Variants in GYPB observed in about 807,000 individuals in gnomAD.
The protein encoded by GYPB is glycophorin B (MNS blood group).
In GYPB, 13 loss-of-function variants were observed where a neutral mutation model predicts 15.3. The ratio of observed to expected loss-of-function variants is 0.85; its 90% CI spans 0.55 to 1.35. The LOEUF (loss-of-function observed/expected upper bound fraction) is 1.35. Ranked by LOEUF, GYPB falls within the 40% of genes most tolerant of loss-of-function variation. The probability of loss-of-function intolerance (pLI) is 0.00; values close to 1 mark genes in which losing one functional copy is unlikely to be tolerated. For missense variants in GYPB, 131 were observed against 108.3 expected (o/e 1.21, Z -0.93); for synonymous variants, 38 against 36.9 (o/e 1.03, Z -0.11).
rs376094089 is a variant in GYPB, at chr4:144,012,734, A to G, written c.37+6517T>C. ...TCAATGGGCAAAGGATAGTCTCTTC[A>G]ACAAATGGTGCTGGGACAACTGCAA... On this transcript the variant is annotated intron_variant, in intron 1 of 4. Transcript: ENST00000502664. The G allele has an allele frequency of 7.9e-5, 12 of 151,704 alleles. No homozygotes were observed. The East Asian group carries it at 2.1e-3, about 27-fold the overall frequency. The allele number at this position is 151,704 out of a possible 1,614,324, so 9.4% of individuals were successfully genotyped here. A position where few individuals can be genotyped will look rare whatever the true frequency, so the allele number is the denominator to read the frequency against.
intron 2 of GYPB, chr4:144,000,400 G>A: frequency 1.8e-6 from 2 of 1,086,910 alleles, no homozygotes; most frequent in Non-Finnish European, 2.4e-6. Flanking sequence ...CTTTTCTGGA[G>A]GGGAAACAGT....
chr4:144,012,865 A>G (rs1214016473), intron 1 of GYPB: 1 of 151,448 alleles, frequency 6.6e-6, no homozygotes, highest in Non-Finnish European at 1.5e-5. Context: ...AGAAGAAAAC[A>G]TAGGGAGAAA....
intron 1 of GYPB, among the ~76,000 whole-genome samples, chr4:144,004,693 A>G (rs1388504011): frequency 1.3e-5 from 2 of 151,700 alleles, no homozygotes; most frequent in Non-Finnish European, 2.9e-5. Context: ...AAGGAAACCA[A>G]ATTTCCACAA....
intron 1 of GYPB, among the ~76,000 whole-genome samples, chr4:144,004,049 G>A (rs1727755531): frequency 6.6e-6 from 1 of 151,512 alleles, no homozygotes; most frequent in Admixed American, 6.6e-5. Flanking sequence ...GGCATGTTAT[G>A]TCCTATTTGT....
At chr4:144,001,115 C>G (rs567423402) in intron 2 of GYPB, 70 bp downstream of exon 2, 2 of 1,610,938 alleles carry the variant, frequency 1.2e-6, no homozygotes, top group Non-Finnish European at 8.5e-7. Flanking sequence ...AGTGACAGGT[C>G]CCCTAAAATA....
intron 1 of GYPB, among the ~76,000 whole-genome samples, chr4:144,003,496 A>G (rs1226661710): frequency 6.6e-6 from 1 of 151,428 alleles, no homozygotes; most frequent in Non-Finnish European, 1.5e-5. Context: ...TGTCAAAAGA[A>G]TATGGCAAAG....
chr4:144,009,500 A>G (rs998577740), intron 1 of GYPB, among the ~76,000 whole-genome samples: 11 of 150,766 alleles, frequency 7.3e-5, no homozygotes, highest in African/African-American at 2.5e-4. Flanking sequence ...CAAAGCATAA[A>G]TAAATGAGTA....
intron 1 of GYPB, among the ~76,000 whole-genome samples, chr4:144,004,001 A>C (rs376900231): frequency 2.0e-5 from 3 of 150,078 alleles, no homozygotes; most frequent in Non-Finnish European, 1.5e-5. Context: ...CAATTTCCTC[A>C]ATGTAAAATT....
intron 1 of GYPB, among the ~76,000 whole-genome samples, chr4:144,013,084 C>G (rs1205435652): frequency 6.6e-6 from 1 of 151,534 alleles, no homozygotes; most frequent in Non-Finnish European, 1.5e-5. Context: ...ATAGAAAGAA[C>G]TCTTACAACT....
chr4:143,999,579 C>A, intron 2 of GYPB, 130 bp from the exon 3 acceptor site: 2 of 605,262 alleles, frequency 3.3e-6, no homozygotes, highest in Non-Finnish European at 3.0e-6. Flanking sequence ...GGTCAACTTT[C>A]AACATCTAGC....
At chr4:144,009,358 T>C (rs187572047) in intron 1 of GYPB, among the ~76,000 whole-genome samples, 2,968 of 151,098 alleles carry the variant, frequency 0.02, 224 homozygotes, top group African/African-American at 0.068. Context: ...ATTAGTAAAC[T>C]TCCTATGTAA....
At chr4:143,996,943 G>A (rs1345437686) in intron 4 of GYPB, among the ~76,000 whole-genome samples, 10 of 150,730 alleles carry the variant, frequency 6.6e-5, no homozygotes. Context: ...GTCTCACTCT[G>A]TTGCCCAGGC....
At chr4:144,000,295 T>G (rs1294983072) in intron 2 of GYPB, 1 of 226,696 alleles carries the variant, frequency 4.4e-6, no homozygotes, top group African/African-American at 2.4e-5. Flanking sequence ...TCACGAAAGT[T>G]TGAGAACTGT....
At chr4:144,012,434 G>T (rs982645681) in intron 1 of GYPB, 3 of 151,400 alleles carry the variant, frequency 2.0e-5, no homozygotes, top group African/African-American at 4.9e-5. Flanking sequence ...AACAGATTAA[G>T]TTAAAATGCG....
intron 1 of GYPB, among the ~76,000 whole-genome samples, chr4:144,002,365 C>T (rs1482564498): frequency 2.0e-5 from 3 of 151,454 alleles, no homozygotes; most frequent in Non-Finnish European, 4.4e-5. Flanking sequence ...ACAAGTCTGA[C>T]TTTCTACTTA....
chr4:144,005,646 T>C (rs1221365138), intron 1 of GYPB, among the ~76,000 whole-genome samples: 4 of 151,824 alleles, frequency 2.6e-5, no homozygotes, highest in African/African-American at 9.7e-5. Flanking sequence ...ATCCAGTCTC[T>C]ACCTGAAAAA....
chr4:144,011,131 A>C (rs1728198503), intron 1 of GYPB, among the ~76,000 whole-genome samples: 1 of 149,390 alleles, frequency 6.7e-6, no homozygotes, highest in Admixed American at 6.7e-5. Flanking sequence ...CTGTAATCCC[A>C]ACATTTTGGG....
Position 143,999,554 on chromosome 4 carries a change from A to G in GYPB, c.137-105T>C, listed in dbSNP as rs1727512047. The G allele has an allele frequency of 2.0e-5, 13 of 656,684 alleles. 1 individual carries two copies. The highest frequency in any genetic ancestry group is 3.6e-5 in the South Asian group (2 of 56,314). The allele number at this position is 656,684 out of a possible 1,614,324, so 40.7% of individuals were successfully genotyped here. On this transcript the variant is annotated intron_variant, in intron 2 of 4. Coordinates refer to ENST00000502664, the MANE Select transcript of GYPB (RefSeq NM_002100.6). ...CTGCGGGTTTCCTTTTCTTAATCAT[A>G]TTTTGAGAGTTGTTGGTCAACTTTC...
At chr4:144,002,396 T>C (rs1000813739) in intron 1 of GYPB, among the ~76,000 whole-genome samples, 1 of 151,592 alleles carries the variant, frequency 6.6e-6, no homozygotes, top group African/African-American at 2.4e-5. Context: ...GATATCCCTA[T>C]GCTGTCAAAT....
Sources: allele counts gnomAD v4.1 joint callset (sites outside exome capture counted in the v4.1 genomes callset), GRCh38; gene constraint gnomAD v4.1.1; transcripts MANE v1.5; gene names NCBI Gene and HGNC (gene_info 2026-07-23, HGNC 2026-07-21).